TNIK: variants seen among roughly 807,000 people sequenced by gnomAD.
TNIK encodes the protein TRAF2 and NCK-interacting protein kinase.
A neutral mutation model predicts 191.3 loss-of-function variants in TNIK; 49 were observed. That is an observed-to-expected ratio of 0.26 (90% CI 0.20 to 0.32). TNIK has a LOEUF of 0.32. Among genes scored for constraint, TNIK ranks in the 10% least tolerant of loss-of-function variants. TNIK has a pLI of 1.00. For missense variants in TNIK, 1,155 were observed against 1,702.3 expected (o/e 0.68, Z 5.66); for synonymous variants, 594 against 600.9 (o/e 0.99, Z 0.17).
chr3:171,163,690 G>T (rs1462174520), intron 10 of TNIK, among the ~76,000 whole-genome samples: 3 of 152,136 alleles, frequency 2.0e-5, no homozygotes, highest in Admixed American at 6.5e-5. Flanking sequence ...TAAAAATGCA[G>T]AAATTTTATC....
Position 171,087,402 on chromosome 3 carries a change from G to T in TNIK, c.2826C>A (p.Thr942=). ...LVQQSHSPAG[T]PTEGLGRVST... The stretch of plus-strand genomic sequence containing the variant: ...AGACGCGCCCCAGTCCCTCAGTCGG[G>T]GTTCCAGCTGGAGAATGGCTCTGCT... The change falls in exon 24 of 33, where the codon ACC becomes ACA. Residue 942 remains threonine (T), a synonymous_variant. Coordinates refer to ENST00000436636, the MANE Select transcript of TNIK (RefSeq NM_015028.4). The T allele has an allele frequency of 6.2e-7, 1 of 1,613,968 alleles. No homozygotes were observed. Among genetic ancestry groups the T allele is most frequent in the Non-Finnish European group, 8.5e-7 (1 of 1,179,888 alleles).
At chr3:171,371,012 C>T (rs1716414217) in intron 1 of TNIK, among the ~76,000 whole-genome samples, 1 of 151,890 alleles carries the variant, frequency 6.6e-6, no homozygotes, top group Non-Finnish European at 1.5e-5. Flanking sequence ...GGTTAAATAC[C>T]AGCTGTGCCT....
At chr3:171,231,336 T>G (rs1743618103) in intron 2 of TNIK, among the ~76,000 whole-genome samples, 1 of 152,080 alleles carries the variant, frequency 6.6e-6, no homozygotes. Context: ...TTTGTTTTTT[T>G]AAGTAGCCAC....
At chr3:171,216,700 AC>A (rs1741493593) in intron 3 of TNIK, among the ~76,000 whole-genome samples, 2 of 152,194 alleles carry the variant, frequency 1.3e-5, no homozygotes, top group Non-Finnish European at 2.9e-5. Flanking sequence ...TGAGAATTAA[AC>A]ATGTAAATCA....
intron 1 of TNIK, among the ~76,000 whole-genome samples, chr3:171,399,391 A>G (rs1007182333): frequency 1.3e-5 from 2 of 152,168 alleles, no homozygotes; most frequent in African/African-American, 2.4e-5. Flanking sequence ...AAACAATCAC[A>G]AGAGTGCTGG....
At chr3:171,443,679 T>A (rs1336923370) in intron 1 of TNIK, among the ~76,000 whole-genome samples, 2 of 151,906 alleles carry the variant, frequency 1.3e-5, no homozygotes, top group East Asian at 3.9e-4. Context: ...TTCAAAAAAT[T>A]AGCTGGGTGT....
chr3:171,366,600 T>C lies in TNIK; in HGVS notation c.123+3020A>G, dbSNP rs74619061. Among the ~76,000 whole-genome samples, 3,288 of 152,220 alleles carry C rather than the reference T, an allele frequency of 0.022. 108 individuals carry two copies. The highest frequency in any genetic ancestry group is 0.075 in the African/African-American group (3,100 of 41,536). On this transcript the variant is annotated intron_variant, in intron 2 of 32. Coordinates refer to ENST00000436636, the MANE Select transcript of TNIK (RefSeq NM_015028.4). The surrounding 1 kb of genome is among the most constrained non-coding windows in gnomAD (Gnocchi z 4.1). ...GGGCAGCTTATAAAAAAGAAACTTA[T>C]AATAAATTTTTCCATAAAATAAGGG...
chr3:171,147,413 C>G (rs1243060416), intron 12 of TNIK, among the ~76,000 whole-genome samples: 1 of 152,152 alleles, frequency 6.6e-6, no homozygotes. Context: ...GGTATTCCAG[C>G]TTCTGGGCAT....
intron 7 of TNIK, among the ~76,000 whole-genome samples, chr3:171,187,743 G>A (rs1577069945): frequency 1.3e-5 from 2 of 152,170 alleles, no homozygotes; most frequent in South Asian, 4.2e-4. Flanking sequence ...TGCAGACCTC[G>A]GCCTCAGTTT....
chr3:171,329,881 G>A lies in TNIK; in HGVS notation c.123+39739C>T, dbSNP rs149528764. Among the ~76,000 whole-genome samples, 22 of 152,228 alleles carry A rather than the reference G, an allele frequency of 1.4e-4. No homozygotes were observed. The South Asian group carries it at 3.1e-3, about 22-fold the overall frequency. ...TATGGCTTCCAGCTTTGAGGGATGC[G>A]AAAACAGATTTTTCACTTACAAGCC... On this transcript the variant is annotated intron_variant, in intron 2 of 32. Transcript: ENST00000436636.
chr3:171,077,649 G>A (rs1720139909), intron 28 of TNIK, among the ~76,000 whole-genome samples: 1 of 152,064 alleles, frequency 6.6e-6, no homozygotes, highest in East Asian at 1.9e-4. Flanking sequence ...TGGTTCTCAG[G>A]CCTTCAGATT....
rs555181208 is a variant in TNIK at position 171,257,422 on chromosome 3, A to G, written c.124-29201T>C. 2.6e-5 allele frequency among the ~76,000 whole-genome samples: 4 copies of G among 152,278 alleles called. No individual in the cohort carries two copies. The East Asian group carries it at 7.7e-4, about 29-fold the overall frequency. On this transcript the variant is annotated intron_variant, in intron 2 of 32. Transcript: ENST00000436636. ...TTCAGTCACCTCATCTGAGAATAAC[A>G]TCTCCCCATCTCAGATAGGAACTGG...
intron 30 of TNIK, among the ~76,000 whole-genome samples, chr3:171,067,827 A>G (rs1270312863): frequency 8.0e-6 from 1 of 125,156 alleles, no homozygotes; most frequent in Non-Finnish European, 2.0e-5. Flanking sequence ...GGATTATCAT[A>G]GTTACACCTT....
chr3:171,207,597 G>A (rs1740258813), intron 4 of TNIK, among the ~76,000 whole-genome samples: 1 of 152,168 alleles, frequency 6.6e-6, no homozygotes, highest in Non-Finnish European at 1.5e-5. Context: ...TTGAGAGGGA[G>A]AGCAAGGGGG....
At chr3:171,317,320 T>TCC (rs1754742990) in intron 2 of TNIK, among the ~76,000 whole-genome samples, 1 of 152,080 alleles carries the variant, frequency 6.6e-6, no homozygotes. Flanking sequence ...CACCAGGGAC[T>TCC]CCATCACTCA....
intron 1 of TNIK, among the ~76,000 whole-genome samples, chr3:171,390,232 A>G (rs754422584): frequency 5.9e-5 from 9 of 152,184 alleles, no homozygotes; most frequent in Non-Finnish European, 8.8e-5. Flanking sequence ...GATCAGCCAT[A>G]TGGAAGAGAT....
At chr3:171,064,486 AATAGTGTGGTCAG>A (rs1718173567) in intron 32 of TNIK, among the ~76,000 whole-genome samples, 1 of 152,192 alleles carries the variant, frequency 6.6e-6, no homozygotes, top group Non-Finnish European at 1.5e-5. Context: ...AAAAACATTA[AATAGTGTGGTCAG>A]ATAGGGCAAG....
rs1237009286 is a variant in TNIK, at chr3:171,061,588, A to G, written c.*2293T>C. ...ATTTAAAGCTGTGTGTTTCAAACTT[A>G]TCACTTAGAAATAAAAACAAAACAA... On this transcript the variant is annotated 3_prime_UTR_variant, in exon 33 of 33. Coordinates refer to ENST00000436636, the MANE Select transcript of TNIK (RefSeq NM_015028.4). 1.3e-5 allele frequency: 2 copies of G among 152,252 alleles called. No individual in the cohort carries two copies. The highest frequency in any genetic ancestry group is 4.8e-5 in the African/African-American group (2 of 41,468). The allele number at this position is 152,252 out of a possible 1,614,324, so 9.4% of individuals were successfully genotyped here. A position where few individuals can be genotyped will look rare whatever the true frequency, so the allele number is the denominator to read the frequency against.
chr3:171,277,106 C>T (rs759832991), intron 2 of TNIK, among the ~76,000 whole-genome samples: 6 of 152,100 alleles, frequency 3.9e-5, no homozygotes, highest in Admixed American at 6.5e-5. Flanking sequence ...ACAGGATAAA[C>T]GTGGCCCCCT....
Sources: gnomAD v4.1 joint callset for allele counts (sites outside exome capture counted in the v4.1 genomes callset) on GRCh38, gnomAD v4.1.1 for gene constraint, Gnocchi (gnomAD v3.1) non-coding constraint, MANE v1.5 for transcripts, NCBI Gene and HGNC (gene_info 2026-07-23, HGNC 2026-07-21) for gene names.